PNPT1: variants seen among roughly 807,000 people sequenced by gnomAD.
PNPT1 encodes the protein polyribonucleotide nucleotidyltransferase 1, also known as polyribonucleotide nucleotidyltransferase 1, mitochondrial.
PNPT1 carries 53 observed loss-of-function variants against 119.5 expected under a neutral mutation model. The observed-to-expected ratio is 0.44, with a 90% CI of 0.36 to 0.56. The LOEUF (loss-of-function observed/expected upper bound fraction) is 0.56, where lower values mean the gene tolerates loss of function less well. Ranked by LOEUF, PNPT1 falls within the 20% of genes least tolerant of loss-of-function variation. The probability of loss-of-function intolerance (pLI) is 0.00; values close to 1 mark genes in which losing one functional copy is unlikely to be tolerated. For missense variants in PNPT1, 948 were observed against 938.5 expected (o/e 1.01, Z -0.13); for synonymous variants, 357 against 322.1 (o/e 1.11, Z -1.16).
In PNPT1 at chr2:55,693,665, G is replaced by C. The variant is rs774974954; in HGVS notation, c.159C>G (p.Asn53Lys). The C allele has an allele frequency of 1.2e-6, 2 of 1,614,082 alleles. No individual in the cohort carries two copies. Among genetic ancestry groups the C allele is most frequent in the African/African-American group, 2.7e-5 (2 of 74,948 alleles). ...GSRAVAVDLG[N>K]RKLEISSGKL... Reference sequence around the variant, plus strand: ...AGTGAACGCACGTCACTCCTTACCTGTTGCCTAAGTCCACGGCCACAGCTC... The same window carrying C: ...AGTGAACGCACGTCACTCCTTACCTCTTGCCTAAGTCCACGGCCACAGCTC... Residue 53 changes from asparagine (N) to lysine (K), a missense_variant and splice_region_variant, in exon 1 of 28, where the codon AAC becomes AAG. Asn to Lys is a moderately conservative substitution (Grantham distance 94). Transcript: ENST00000447944.
chr2:55,687,953 G>C (rs951118107), intron 1 of PNPT1, among the ~76,000 whole-genome samples: 5 of 152,088 alleles, frequency 3.3e-5, no homozygotes, highest in Non-Finnish European at 7.4e-5. Flanking sequence ...AGGTTCAGAA[G>C]TTAACTGCTT....
intron 11 of PNPT1, among the ~76,000 whole-genome samples, chr2:55,669,656 G>A (rs930831573): frequency 6.6e-6 from 1 of 151,908 alleles, no homozygotes; most frequent in Non-Finnish European, 1.5e-5. Flanking sequence ...GACAATATTC[G>A]CTATAAAATT....
At chr2:55,677,292 C>T (rs146375217) in intron 8 of PNPT1, among the ~76,000 whole-genome samples, 4 of 152,212 alleles carry the variant, frequency 2.6e-5, no homozygotes, top group Admixed American at 6.5e-5. Context: ...GCCACATGTG[C>T]AGCAAAGATT....
chr2:55,693,530 G>A (rs1697689471), intron 1 of PNPT1, 133 bp downstream of exon 1: 1 of 1,307,640 alleles, frequency 7.6e-7, no homozygotes, highest in South Asian at 1.5e-5. Flanking sequence ...AGGGAAATTT[G>A]GAATTTAGGT....
intron 13 of PNPT1, among the ~76,000 whole-genome samples, 184 bp from the exon 14 acceptor site, chr2:55,662,210 C>A (rs1696601348): frequency 6.6e-6 from 1 of 152,120 alleles, no homozygotes; most frequent in Admixed American, 6.5e-5. Flanking sequence ...TATGTGTAAA[C>A]CTCAATAATC....
chr2:55,673,970 G>A (rs1696990211), intron 8 of PNPT1, among the ~76,000 whole-genome samples: 3 of 152,170 alleles, frequency 2.0e-5, no homozygotes, highest in East Asian at 1.9e-4. Flanking sequence ...TGATTAACCC[G>A]CCTCAGCCTC....
At chr2:55,654,117 C>T (rs1696303163) in intron 18 of PNPT1, among the ~76,000 whole-genome samples, 2 of 151,988 alleles carry the variant, frequency 1.3e-5, no homozygotes, top group South Asian at 2.1e-4. Context: ...ATTAGCCAGG[C>T]GTGGTAGCAC....
At chr2:55,678,927 A>T (rs1697164821) in intron 8 of PNPT1, among the ~76,000 whole-genome samples, 1 of 152,212 alleles carries the variant, frequency 6.6e-6, no homozygotes, top group Non-Finnish European at 1.5e-5. Flanking sequence ...AGTTTGTTTC[A>T]TCAAAATGTT....
Position 55,645,353 on chromosome 2 carries a change from A to G in PNPT1, c.1818T>C (p.Val606=). The change falls in exon 22 of 28, where the codon GTT becomes GTC. Residue 606 remains valine, a synonymous_variant. Coordinates refer to ENST00000447944, the MANE Select transcript of PNPT1 (RefSeq NM_033109.5). ...PRASRKENGP[V]VETVQVPLSK... ...ACTAAAATTTTAATGTATTACCTAC[A>G]ACAGGTCCATTTTCTTTTCTAGATG... 2 of 1,603,954 alleles carry G rather than the reference A, an allele frequency of 1.2e-6. No homozygotes were observed. The highest frequency in any genetic ancestry group is 8.5e-7 in the Non-Finnish European group (1 of 1,171,254).
At chr2:55,656,953 T>A (rs1696406225) in intron 15 of PNPT1, among the ~76,000 whole-genome samples, 1 of 152,228 alleles carries the variant, frequency 6.6e-6, no homozygotes, top group African/African-American at 2.4e-5. Context: ...GGTTGCAAAC[T>A]GTTTTATTTG....
intron 19 of PNPT1, 47 bp downstream of exon 19, chr2:55,647,297 TTTA>T (rs1559089519): frequency 7.2e-7 from 1 of 1,392,382 alleles, no homozygotes. Context: ...TTTTTATTTA[TTTA>T]TTTTTAGTCT....
At chr2:55,673,292 A>T (rs998868360) in intron 8 of PNPT1, among the ~76,000 whole-genome samples, 10 of 152,116 alleles carry the variant, frequency 6.6e-5, no homozygotes, top group Non-Finnish European at 1.5e-4. Context: ...ATTTAGGTTT[A>T]CATTCTCCTT....
chr2:55,656,260 AG>A (rs777683584), intron 16 of PNPT1, 40 bp from the exon 17 acceptor site: 1 of 1,611,744 alleles, frequency 6.2e-7, no homozygotes, highest in Non-Finnish European at 8.5e-7. Context: ...AAATGTATTA[AG>A]TCTCTGTAAG....
chr2:55,681,582 C>T (rs1051692156), intron 5 of PNPT1, among the ~76,000 whole-genome samples: 2 of 152,060 alleles, frequency 1.3e-5, no homozygotes, highest in African/African-American at 2.4e-5. Flanking sequence ...TGGTGGCTCA[C>T]GCCTGTAATC....
At chr2:55,651,272 T>G (rs867799963) in intron 18 of PNPT1, among the ~76,000 whole-genome samples, 34 of 151,038 alleles carry the variant, frequency 2.3e-4, no homozygotes, top group Admixed American at 9.2e-4. Context: ...GTCTGGGAGG[T>G]GTGCCCAACA....
chr2:55,655,418 C>G (rs992587923), intron 17 of PNPT1, among the ~76,000 whole-genome samples: 1 of 152,124 alleles, frequency 6.6e-6, no homozygotes, highest in Non-Finnish European at 1.5e-5. Context: ...CCAAGCCCAG[C>G]CTATCACAAA....
chr2:55,675,008 C>G (rs1268381845), intron 8 of PNPT1, among the ~76,000 whole-genome samples: 1 of 152,100 alleles, frequency 6.6e-6, no homozygotes, highest in East Asian at 1.9e-4. Context: ...TGCCTATTGT[C>G]CCAGTACTTT....
rs555383584 is a variant in PNPT1, at chr2:55,663,938, G to A, written c.1177-1912C>T. 7.9e-5 allele frequency among the ~76,000 whole-genome samples: 12 copies of A among 151,696 alleles called. No individual in the cohort carries two copies. In the South Asian group the frequency reaches 1.9e-3, roughly 24 times the overall value. ...CAGGAGGCGGAGCTTGCCGTGAGCC[G>A]AGATCACACCACTGCACTCCAGCCT... On this transcript the variant is annotated intron_variant, in intron 13 of 27. Coordinates refer to ENST00000447944, the MANE Select transcript of PNPT1 (RefSeq NM_033109.5).
chr2:55,678,261 C>T (rs1313278252), intron 8 of PNPT1, among the ~76,000 whole-genome samples: 2 of 152,190 alleles, frequency 1.3e-5, no homozygotes, highest in Non-Finnish European at 2.9e-5. Flanking sequence ...GATGCTCAAA[C>T]ATGAGGTAGA....
Sources: allele counts gnomAD v4.1 joint callset (sites outside exome capture counted in the v4.1 genomes callset), GRCh38; gene constraint gnomAD v4.1.1; transcripts MANE v1.5; gene names NCBI Gene and HGNC (gene_info 2026-07-23, HGNC 2026-07-21).